ANO2: variants seen among roughly 807,000 people sequenced by gnomAD.
The protein encoded by ANO2 is anoctamin-2.
In ANO2, 101 loss-of-function variants were observed where a neutral mutation model predicts 124.2. The observed-to-expected ratio is 0.81, with a 90% CI of 0.69 to 0.96. The LOEUF (loss-of-function observed/expected upper bound fraction) is 0.96, where lower values mean the gene tolerates loss of function less well. Ranked by LOEUF, ANO2 falls within the 40% of genes least tolerant of loss-of-function variation. The pLI, the probability that ANO2 is intolerant of heterozygous loss-of-function variation, is 0.00. For missense variants in ANO2, 1,293 were observed against 1,274.5 expected (o/e 1.01, Z -0.22); for synonymous variants, 486 against 482.5 (o/e 1.01, Z -0.09).
chr12:5,717,427 C>T (rs1950064202), intron 14 of ANO2, among the ~76,000 whole-genome samples: 2 of 152,202 alleles, frequency 1.3e-5, no homozygotes, highest in Non-Finnish European at 2.9e-5. Context: ...TGGTTTTGGA[C>T]ATCTTGTCTC....
rs1022146131 is a variant in ANO2, at chr12:5,908,648, G to A, written c.534+12392C>T. Among the ~76,000 whole-genome samples, 1 of 152,194 alleles carries A rather than the reference G, an allele frequency of 6.6e-6. No homozygotes were observed. The highest frequency in any genetic ancestry group is 6.5e-5 in the Admixed American group (1 of 15,290). ...AATGGCAATTTCCATGAATCATCAT[G>A]GAACCCTCTGACTTTAGCTAAGCTC... On this transcript the variant is annotated intron_variant, in intron 3 of 24. Coordinates refer to ENST00000682330, the MANE Select transcript of ANO2 (RefSeq NM_001364791.2). The surrounding 1 kb of genome is among the most constrained non-coding windows in gnomAD (Gnocchi z 4.7).
chr12:5,921,161 C>T lies in ANO2; in HGVS notation c.413G>A (p.Gly138Glu). ...NGETGKEPHA[G>E]GPGDIELGPL... ...TCCCAGCTCAATGTCACCTGGGCCCCCAGCATGAGGCTCCTTGCCTGTCTC... is the reference window on the plus strand; with the variant it reads ...TCCCAGCTCAATGTCACCTGGGCCCTCAGCATGAGGCTCCTTGCCTGTCTC... The change falls in exon 3 of 25, where the codon GGG becomes GAG. Residue 138 changes from glycine (G) to glutamate (E), a missense_variant. By Grantham distance (98) the Gly-to-Glu change is moderately conservative. Transcript: ENST00000682330. 6.2e-7 allele frequency: 1 copy of T among 1,614,020 alleles called. No individual in the cohort carries two copies. The highest frequency in any genetic ancestry group is 8.5e-7 in the Non-Finnish European group (1 of 1,179,892).
In ANO2 at chr12:5,635,599, TCACACACACA is replaced by T. The variant is rs60128304; in HGVS notation, c.1621-262_1621-253del. Among the ~76,000 whole-genome samples, 1 of 146,794 alleles carries T rather than the reference TCACACACACA, an allele frequency of 6.8e-6. No individual in the cohort carries two copies. Among genetic ancestry groups the T allele is most frequent in the Non-Finnish European group, 1.5e-5 (1 of 66,736 alleles). On this transcript the variant is annotated intron_variant, in intron 15 of 24. Transcript: ENST00000682330. This position sits in a 1 kb window ranked among gnomAD's most constrained non-coding sequence, Gnocchi z 5.2. ...TTTTTGTCAGATTCCAAATGATTTATCACACACACACACACACACACACACACACAATAAG... is the reference window on the plus strand; with the variant it reads ...TTTTTGTCAGATTCCAAATGATTTATCACACACACACACACACACAATAAG...
At position 5,577,954 on chromosome 12, in the gene ANO2, C is replaced by G; in HGVS notation, c.2439+1G>C. 6.2e-7 allele frequency: 1 copy of G among 1,613,248 alleles called. No individual in the cohort carries two copies. The highest frequency in any genetic ancestry group is 8.5e-7 in the Non-Finnish European group (1 of 1,179,324). On this transcript the variant is annotated splice_donor_variant, in intron 22 of 24. Coordinates refer to ENST00000682330, the MANE Select transcript of ANO2 (RefSeq NM_001364791.2). LOFTEE classifies it high-confidence loss of function. ...AGTGTGTCATGAATGCAAGTACTTA[C>G]GTTGCTGATAACAGAGAACTTGCCA...
In ANO2 at chr12:5,900,546, A is replaced by G. The variant is rs1456402081; in HGVS notation, c.534+20494T>C. Among the ~76,000 whole-genome samples the G allele has an allele frequency of 6.6e-6, 1 of 152,106 alleles. No homozygotes were observed. The highest frequency in any genetic ancestry group is 2.4e-5 in the African/African-American group (1 of 41,408). On this transcript the variant is annotated intron_variant, in intron 3 of 24. Coordinates refer to ENST00000682330, the MANE Select transcript of ANO2 (RefSeq NM_001364791.2). The surrounding 1 kb of genome is among the most constrained non-coding windows in gnomAD (Gnocchi z 4.2). Reference sequence around the variant, plus strand: ...CTTTCTGAGTCATCGAGGGCTTACCATAAAATAAAATGGAAAACAACAACA... The same window carrying G: ...CTTTCTGAGTCATCGAGGGCTTACCGTAAAATAAAATGGAAAACAACAACA...
chr12:5,807,251 A>G (rs907186536), intron 8 of ANO2, 62 bp downstream of exon 8: 1 of 1,445,498 alleles, frequency 6.9e-7, no homozygotes, highest in African/African-American at 1.4e-5. Flanking sequence ...CTGCCACTGA[A>G]AAGTTGTGGT....
chr12:5,655,768 G>A (rs1213933980), intron 14 of ANO2, among the ~76,000 whole-genome samples: 1 of 152,200 alleles, frequency 6.6e-6, no homozygotes, highest in Non-Finnish European at 1.5e-5. Context: ...GTGAATAAGT[G>A]GCAGCTCTGG....
intron 14 of ANO2, among the ~76,000 whole-genome samples, chr12:5,716,986 G>T (rs1950048042): frequency 6.6e-6 from 1 of 152,224 alleles, no homozygotes; most frequent in Admixed American, 6.5e-5. Context: ...GCATCAGAAT[G>T]CTGGAAAAAC....
At chr12:5,892,518 A>C (rs182682792) in intron 3 of ANO2, among the ~76,000 whole-genome samples, 72 of 152,188 alleles carry the variant, frequency 4.7e-4, no homozygotes, top group Non-Finnish European at 7.9e-4. Context: ...CAAAGGAAAA[A>C]GTTTTGAAAG....
intron 14 of ANO2, among the ~76,000 whole-genome samples, chr12:5,695,496 T>C (rs1949129529): frequency 6.6e-6 from 1 of 151,892 alleles, no homozygotes; most frequent in Non-Finnish European, 1.5e-5. Flanking sequence ...ATAGCCAGGA[T>C]ACAAACCTAT....
At chr12:5,611,224 T>C (rs1565472893) in intron 19 of ANO2, among the ~76,000 whole-genome samples, 1 of 152,034 alleles carries the variant, frequency 6.6e-6, no homozygotes, top group Non-Finnish European at 1.5e-5. Flanking sequence ...CCACCTCAGC[T>C]TCCCAAAGTG....
intron 14 of ANO2, among the ~76,000 whole-genome samples, chr12:5,730,024 C>T (rs903455073): frequency 6.6e-6 from 1 of 152,000 alleles, no homozygotes; most frequent in African/African-American, 2.4e-5. Context: ...GTTTCTTTTT[C>T]GGATAATAAA....
intron 3 of ANO2, among the ~76,000 whole-genome samples, chr12:5,903,446 T>C (rs1458242312): frequency 6.6e-6 from 1 of 152,226 alleles, no homozygotes; most frequent in African/African-American, 2.4e-5. Flanking sequence ...AGATTACTTA[T>C]ACAGAGAAGA....
At chr12:5,880,374 A>T (rs1262981298) in intron 3 of ANO2, among the ~76,000 whole-genome samples, 2 of 151,110 alleles carry the variant, frequency 1.3e-5, no homozygotes, top group Non-Finnish European at 1.5e-5. Context: ...CTTAGGCCAC[A>T]TAAATGTATG....
intron 23 of ANO2, among the ~76,000 whole-genome samples, chr12:5,568,720 T>C (rs900273921): frequency 2.6e-5 from 4 of 151,996 alleles, no homozygotes; most frequent in Non-Finnish European, 5.9e-5. Flanking sequence ...ACCGTGATGC[T>C]GCGTGTTTTG....
At chr12:5,827,959 G>T in intron 6 of ANO2, 139 bp from the exon 7 acceptor site, 1 of 863,368 alleles carries the variant, frequency 1.2e-6, no homozygotes. Flanking sequence ...CATGTGCCTG[G>T]CTCATGGCCC....
chr12:5,705,589 C>G (rs1183605187), intron 14 of ANO2, among the ~76,000 whole-genome samples: 2 of 152,224 alleles, frequency 1.3e-5, no homozygotes, highest in Non-Finnish European at 2.9e-5. Flanking sequence ...AATGCATGCA[C>G]TATTACATCT....
chr12:5,591,569 C>T (rs1943395038), intron 20 of ANO2, among the ~76,000 whole-genome samples: 2 of 152,080 alleles, frequency 1.3e-5, no homozygotes. Flanking sequence ...GGAAATTCAG[C>T]CTGTGTGTTG....
Position 5,830,533 on chromosome 12 carries a change from C to G in ANO2, c.786-44G>C, listed in dbSNP as rs780310532. 1.5e-5 allele frequency: 23 copies of G among 1,576,778 alleles called. No individual in the cohort carries two copies. In the South Asian group the frequency reaches 2.4e-4, roughly 17 times the overall value. ...CAGATGGCAAATTCATTTCATTACC[C>G]TTGCCCTGAGACCACTGCCACCCCA... On this transcript the variant is annotated intron_variant, in intron 5 of 24. Coordinates refer to ENST00000682330, the MANE Select transcript of ANO2 (RefSeq NM_001364791.2).
Sources: allele counts gnomAD v4.1 joint callset (sites outside exome capture counted in the v4.1 genomes callset), GRCh38; gene constraint gnomAD v4.1.1; non-coding constraint Gnocchi (gnomAD v3.1); transcripts MANE v1.5; gene names NCBI Gene and HGNC (gene_info 2026-07-23, HGNC 2026-07-21).